Variants in EYA3 observed in about 807,000 individuals in gnomAD.
EYA3 encodes protein phosphatase EYA3.
EYA3 carries 39 observed loss-of-function variants against 80.0 expected under a neutral mutation model. The ratio of observed to expected loss-of-function variants is 0.49; its 90% CI spans 0.38 to 0.64. The LOEUF (loss-of-function observed/expected upper bound fraction) is 0.64. Ranked by LOEUF, EYA3 falls within the 30% of genes least tolerant of loss-of-function variation. The pLI, the probability that EYA3 is intolerant of heterozygous loss-of-function variation, is 0.00. For synonymous variants in EYA3, 206 were observed against 232.8 expected, an observed-to-expected ratio of 0.88 and a Z score of 1.05; for missense variants, 523 against 676.1, an observed-to-expected ratio of 0.77 and a Z score of 2.51.
intron 5 of EYA3, among the ~76,000 whole-genome samples, chr1:28,035,897 CT>C (rs1307787471): frequency 2.0e-5 from 3 of 152,154 alleles, no homozygotes; most frequent in Non-Finnish European, 1.5e-5. Flanking sequence ...TCATTGCAGC[CT>C]CTGCCTCCCC....
chr1:28,050,196 A>AT lies in EYA3; in HGVS notation c.34-1771dup, dbSNP rs1438175124. 9.0e-5 allele frequency among the ~76,000 whole-genome samples: 11 copies of AT among 121,942 alleles called. 1 individual carries two copies. The highest frequency in any genetic ancestry group is 2.4e-4 in the African/African-American group (7 of 29,200). 80.0% of individuals were successfully genotyped at this position (121,942 alleles called of 152,430 possible). A position where few individuals can be genotyped will look rare whatever the true frequency, so the allele number is the denominator to read the frequency against. ...TTTATTTATTATTATTATTATTATT[A>AT]TTATTATTTTTTTTGAGACAGGGTC... On this transcript the variant is annotated intron_variant, in intron 2 of 17. Transcript: ENST00000373871.
At position 28,077,445 on chromosome 1, in the gene EYA3, A is replaced by C. The variant is rs559866957; in HGVS notation, c.-69+11079T>G. On this transcript the variant is annotated intron_variant, in intron 1 of 17. Coordinates refer to ENST00000373871, the MANE Select transcript of EYA3 (RefSeq NM_001990.4). The stretch of plus-strand genomic sequence containing the variant: ...GAAACAGGAAGATGTGTTCCAAAGG[A>C]AAAATTTCAAAACCATAGTAAAAAG... Among the ~76,000 whole-genome samples, 18 of 152,326 alleles carry C rather than the reference A, an allele frequency of 1.2e-4. No homozygotes were observed. In the South Asian group the frequency reaches 3.7e-3, roughly 32 times the overall value.
chr1:28,052,713 G>C (rs929598206), intron 2 of EYA3, among the ~76,000 whole-genome samples: 6 of 152,004 alleles, frequency 3.9e-5, no homozygotes, highest in Non-Finnish European at 8.8e-5. Context: ...GGAGGCTGAG[G>C]CAGGTGGATC....
At chr1:27,992,984 A>C (rs1316681172) in intron 14 of EYA3, among the ~76,000 whole-genome samples, 1 of 152,108 alleles carries the variant, frequency 6.6e-6, no homozygotes, top group African/African-American at 2.4e-5. Context: ...CCAACCTACA[A>C]TCCTGGACCT....
intron 7 of EYA3, among the ~76,000 whole-genome samples, chr1:28,018,204 A>G (rs1003521278): frequency 6.6e-6 from 1 of 152,108 alleles, no homozygotes; most frequent in Admixed American, 6.6e-5. Flanking sequence ...TCAAAAAAAA[A>G]GAAAAGAAAA....
At chr1:28,060,157 T>C (rs189843828) in intron 1 of EYA3, among the ~76,000 whole-genome samples, 39 of 152,304 alleles carry the variant, frequency 2.6e-4, no homozygotes, top group Admixed American at 2.6e-3. Context: ...CACTCCACCA[T>C]GGGGGAAGAG....
At chr1:28,043,889 C>G (rs1264736142) in intron 3 of EYA3, among the ~76,000 whole-genome samples, 1 of 152,064 alleles carries the variant, frequency 6.6e-6, no homozygotes, top group African/African-American at 2.4e-5. Context: ...CGTTTGTTTC[C>G]AAGCGGGGGT....
At chr1:28,001,041 C>T (rs576677305) in intron 11 of EYA3, among the ~76,000 whole-genome samples, 6 of 151,868 alleles carry the variant, frequency 4.0e-5, no homozygotes, top group Admixed American at 6.6e-5. Context: ...CTCCAGCCTG[C>T]GTGACAGAGT....
intron 15 of EYA3, 127 bp downstream of exon 15, chr1:27,989,570 T>C: frequency 2.1e-6 from 1 of 486,446 alleles, no homozygotes; most frequent in Non-Finnish European, 3.7e-6. Flanking sequence ...ACACAAATAC[T>C]TCCCTACATC....
At chr1:28,040,297 T>C (rs1643703421) in intron 4 of EYA3, among the ~76,000 whole-genome samples, 1 of 152,188 alleles carries the variant, frequency 6.6e-6, no homozygotes, top group African/African-American at 2.4e-5. Context: ...CGGAGAGTGA[T>C]ACCACTTCCT....
In EYA3 at chr1:28,013,057, C is replaced by T. The variant is rs888065945; in HGVS notation, c.769+54G>A. The T allele has an allele frequency of 6.5e-7, 1 of 1,547,968 alleles. No individual in the cohort carries two copies. Among genetic ancestry groups the T allele is most frequent in the Non-Finnish European group, 8.8e-7 (1 of 1,141,450 alleles). ...AATCATCCTTACCATTGCCTAAAAA[C>T]AACTGTTGGATGAAGTGACCTTAAG... On this transcript the variant is annotated intron_variant, in intron 9 of 17. Transcript: ENST00000373871. This position sits in a 1 kb window ranked among gnomAD's most constrained non-coding sequence, Gnocchi z 4.0.
At chr1:28,071,824 A>G (rs1027231973) in intron 1 of EYA3, among the ~76,000 whole-genome samples, 1 of 152,226 alleles carries the variant, frequency 6.6e-6, no homozygotes, top group African/African-American at 2.4e-5. Flanking sequence ...CCTTTACAAA[A>G]ATGTACAGAT....
chr1:28,073,570 G>C (rs1645105441), intron 1 of EYA3, among the ~76,000 whole-genome samples: 1 of 151,976 alleles, frequency 6.6e-6, no homozygotes, highest in Non-Finnish European at 1.5e-5. Flanking sequence ...AAAGTGCTGG[G>C]ATTACAGGTG....
chr1:28,084,700 C>T (rs2148965177), intron 1 of EYA3, among the ~76,000 whole-genome samples: 1 of 144,018 alleles, frequency 6.9e-6, no homozygotes, highest in Admixed American at 7.1e-5. Context: ...CCTCCGCCTC[C>T]CTGGTTCAAG....
Position 28,010,773 on chromosome 1 carries a change from A to C in EYA3, c.909+174T>G. On this transcript the variant is annotated intron_variant, in intron 10 of 17. Transcript: ENST00000373871. ...TGTTCTCTTCTGGAATATACAGAATAATTTGTTCTTTTTACATTTTTCTTT... is the reference window on the plus strand; with the variant it reads ...TGTTCTCTTCTGGAATATACAGAATCATTTGTTCTTTTTACATTTTTCTTT... The C allele has an allele frequency of 6.1e-6, 4 of 652,942 alleles. No individual in the cohort carries two copies. In the South Asian group the frequency reaches 8.4e-5, roughly 14 times the overall value. 40.4% of individuals were successfully genotyped at this position (652,942 alleles called of 1,614,324 possible).
intron 14 of EYA3, 63 bp downstream of exon 14, chr1:27,993,337 T>C: frequency 1.3e-6 from 2 of 1,536,894 alleles, no homozygotes; most frequent in South Asian, 1.2e-5. Flanking sequence ...AAGGAATCCC[T>C]GGAAAGAAAA....
chr1:28,046,844 CTT>C (rs35846889), intron 3 of EYA3, among the ~76,000 whole-genome samples: 1 of 144,956 alleles, frequency 6.9e-6, no homozygotes. Context: ...ATTTTTCTTT[CTT>C]TTTTTTTTTT....
chr1:28,050,718 G>A (rs957551298), intron 2 of EYA3, among the ~76,000 whole-genome samples: 1 of 152,034 alleles, frequency 6.6e-6, no homozygotes, highest in Non-Finnish European at 1.5e-5. Flanking sequence ...ATGGCCCATT[G>A]TTTGTCTTGA....
intron 9 of EYA3, among the ~76,000 whole-genome samples, chr1:28,011,569 T>A (rs1441527609): frequency 6.6e-6 from 1 of 152,116 alleles, no homozygotes; most frequent in East Asian, 1.9e-4. Context: ...TGCCAACAGT[T>A]GAAAACAACT....
Sources: allele counts gnomAD v4.1 joint callset (sites outside exome capture counted in the v4.1 genomes callset), GRCh38; gene constraint gnomAD v4.1.1; non-coding constraint Gnocchi (gnomAD v3.1); transcripts MANE v1.5; gene names NCBI Gene and HGNC (gene_info 2026-07-23, HGNC 2026-07-21).